CD8B: variants seen among roughly 807,000 people sequenced by gnomAD.
The protein encoded by CD8B is CD8 subunit beta, also known as T-cell surface glycoprotein CD8 beta chain.
Under a neutral mutation model 24.2 loss-of-function variants are expected in CD8B, and 6 were observed. That is an observed-to-expected ratio of 0.25 (90% CI 0.14 to 0.49). The LOEUF (loss-of-function observed/expected upper bound fraction) is 0.49. Ranked by LOEUF, CD8B falls within the 20% of genes least tolerant of loss-of-function variation. CD8B has a pLI of 0.98. For synonymous variants in CD8B, 84 were observed against 108.3 expected (o/e 0.78, Z 1.39); for missense variants, 196 against 271.3 (o/e 0.72, Z 1.95).
At chr2:86,853,780 A>G (rs1387300491) in intron 2 of CD8B, among the ~76,000 whole-genome samples, 1 of 152,138 alleles carries the variant, frequency 6.6e-6, no homozygotes, top group African/African-American at 2.4e-5. Context: ...ATCTCGGCTC[A>G]CTGCAACCTT....
At chr2:86,861,239 C>T (rs1403245224) in intron 1 of CD8B, among the ~76,000 whole-genome samples, 2 of 152,118 alleles carry the variant, frequency 1.3e-5, no homozygotes, top group Non-Finnish European at 2.9e-5. Flanking sequence ...ATGCCCCATC[C>T]AACTCCAACA....
At chr2:86,859,101 A>G (rs1381120083) in intron 1 of CD8B, among the ~76,000 whole-genome samples, 2 of 152,004 alleles carry the variant, frequency 1.3e-5, no homozygotes, top group Non-Finnish European at 2.9e-5. Flanking sequence ...GTAGGCTCCA[A>G]ACTGCCGAAG....
chr2:86,836,589 C>A (rs1356016071), downstream of CD8B, among the ~76,000 whole-genome samples: 1 of 152,000 alleles, frequency 6.6e-6, no homozygotes, highest in African/African-American at 2.4e-5. Context: ...AGTTTGAGAC[C>A]AGCCTGGGCA....
intron 5 of CD8B, chr2:86,822,251 G>T: frequency 5.0e-6 from 4 of 798,354 alleles, no homozygotes; most frequent in Non-Finnish European, 8.2e-6. Context: ...AAAAAAAGAT[G>T]ATATCTGTTT....
At chr2:86,821,194 A>G (rs941131100) in intron 5 of CD8B, among the ~76,000 whole-genome samples, 2 of 150,514 alleles carry the variant, frequency 1.3e-5, no homozygotes, top group South Asian at 4.2e-4. Context: ...ATTAGGTTAC[A>G]CTGGCATTCT....
chr2:86,842,408 G>A, intron 5 of CD8B, 89 bp from the exon 6 acceptor site: 1 of 1,572,538 alleles, frequency 6.4e-7, no homozygotes. Context: ...AAATGAGAAT[G>A]CAGAGTTCTA....
chr2:86,833,080 C>T (rs910266323), intron 5 of CD8B: 5 of 331,822 alleles, frequency 1.5e-5, no homozygotes, highest in Non-Finnish European at 2.9e-5. Flanking sequence ...AGGAACACAG[C>T]TACAGACATG....
At chr2:86,837,290 A>G (rs1675214812), downstream of CD8B, among the ~76,000 whole-genome samples, 1 of 152,250 alleles carries the variant, frequency 6.6e-6, no homozygotes, top group South Asian at 2.1e-4. Context: ...CAGGAGAGCC[A>G]ACAGTACTGT....
chr2:86,842,823 C>G (rs1378772869), intron 5 of CD8B, among the ~76,000 whole-genome samples: 1 of 152,126 alleles, frequency 6.6e-6, no homozygotes, highest in Non-Finnish European at 1.5e-5. Context: ...AGTGTAAACC[C>G]AGACAATAGA....
In CD8B at chr2:86,840,815, A is replaced by G. The variant is rs893525356; in HGVS notation, c.*1492T>C. Among the ~76,000 whole-genome samples, 19 of 152,066 alleles carry G rather than the reference A, an allele frequency of 1.2e-4. No individual in the cohort carries two copies. The highest frequency in any genetic ancestry group is 4.6e-4 in the African/African-American group (19 of 41,470). On this transcript the variant is annotated 3_prime_UTR_variant, in exon 6 of 6. Coordinates refer to ENST00000390655, the MANE Select transcript of CD8B (RefSeq NM_004931.5). ...CATCTATGCCTTTCTAACTCCACCC[A>G]CCACACCTCATTCTGCTGCGGCCGC...
chr2:86,852,906 G>A (rs1676045094), intron 3 of CD8B, 91 bp downstream of exon 3: 3 of 1,419,938 alleles, frequency 2.1e-6, no homozygotes, highest in Non-Finnish European at 2.9e-6. Context: ...GTTGACACTT[G>A]GAAAGTGCCT....
intron 5 of CD8B, among the ~76,000 whole-genome samples, chr2:86,827,912 A>G (rs1186564981): frequency 6.6e-6 from 1 of 152,218 alleles, no homozygotes; most frequent in African/African-American, 2.4e-5. Flanking sequence ...AAACTTGTGC[A>G]GGACCTGAAG....
chr2:86,853,041 A>G lies in CD8B; in HGVS notation c.449T>C (p.Leu150Pro). 1 of 1,542,676 alleles carries G rather than the reference A, an allele frequency of 6.5e-7. No homozygotes were observed. Among genetic ancestry groups the G allele is most frequent in the Non-Finnish European group, 8.7e-7 (1 of 1,143,380 alleles). ...TTAQPTKKST[L>P]KKRVCRLPRP... Reference sequence around the variant, plus strand: ...GGGTAACCGGCACACTCTCTTCTTGAGGGTGGACTTCTTGGTGGGCTGGGC... The same window carrying G: ...GGGTAACCGGCACACTCTCTTCTTGGGGGTGGACTTCTTGGTGGGCTGGGC... Residue 150 changes from leucine (L) to proline (P), a missense_variant, in exon 3 of 6, where the codon CTC (leucine) becomes CCC (proline). Coordinates refer to ENST00000390655, the MANE Select transcript of CD8B (RefSeq NM_004931.5).
downstream of CD8B, among the ~76,000 whole-genome samples, chr2:86,836,403 A>T (rs955227504): frequency 1.4e-4 from 22 of 152,114 alleles, no homozygotes; most frequent in African/African-American, 5.3e-4. Context: ...AACTATGTCC[A>T]TCCTGGCCAT....
intron 1 of CD8B, among the ~76,000 whole-genome samples, 179 bp from the exon 2 acceptor site, chr2:86,858,595 C>A (rs1676407718): frequency 7.2e-6 from 1 of 138,946 alleles, no homozygotes; most frequent in Non-Finnish European, 1.6e-5. Flanking sequence ...ACATACCCCA[C>A]CTCCCAGGAG....
At chr2:86,836,277 G>A (rs1184763180), downstream of CD8B, among the ~76,000 whole-genome samples, 1 of 152,100 alleles carries the variant, frequency 6.6e-6, no homozygotes, top group South Asian at 2.1e-4. Flanking sequence ...GCTTAGGAGT[G>A]ATTTGTACAG....
chr2:86,851,154 GC>G (rs1238507950), intron 3 of CD8B, among the ~76,000 whole-genome samples: 1 of 151,564 alleles, frequency 6.6e-6, no homozygotes, highest in African/African-American at 2.4e-5. Flanking sequence ...CTTTGTTTTT[GC>G]CATCATTTAT....
chr2:86,859,763 G>A (rs1676473323), intron 1 of CD8B, among the ~76,000 whole-genome samples: 1 of 151,248 alleles, frequency 6.6e-6, no homozygotes, highest in Non-Finnish European at 1.5e-5. Context: ...GAGGCACAGA[G>A]AGGACACAGA....
At chr2:86,833,639 C>CCCTTCCTTCCTTCCTT (rs1553435044), downstream of CD8B, among the ~76,000 whole-genome samples, 48 of 75,900 alleles carry the variant, frequency 6.3e-4, no homozygotes, top group Admixed American at 1.8e-3. Flanking sequence ...CTCCCTCCCT[C>CCCTTCCTTCCTTCCTT]CCTTCCTTCC....
Sources: gnomAD v4.1 joint callset for allele counts (sites outside exome capture counted in the v4.1 genomes callset) on GRCh38, gnomAD v4.1.1 for gene constraint, MANE v1.5 for transcripts, NCBI Gene and HGNC (gene_info 2026-07-23, HGNC 2026-07-21) for gene names.